Variants in GPC6 observed in about 807,000 individuals in gnomAD.
The protein encoded by GPC6 is glypican-6.
A neutral mutation model predicts 55.2 loss-of-function variants in GPC6; 14 were observed. The observed-to-expected ratio is 0.25, with a 90% confidence interval of 0.17 to 0.40. The LOEUF is 0.40. Ranked by LOEUF, GPC6 falls within the 10% of genes least tolerant of loss-of-function variation. The pLI is 1.00. For synonymous variants in GPC6, 278 were observed against 259.6 expected (o/e 1.07, Z -0.68); for missense variants, 641 against 708.5 (o/e 0.90, Z 1.08).
chr13:94,231,283 G>T (rs530212790), intron 4 of GPC6, among the ~76,000 whole-genome samples: 4 of 152,220 alleles, frequency 2.6e-5, no homozygotes, highest in South Asian at 2.1e-4. Context: ...ACAGCTCCCC[G>T]CTGTGAAGCC....
At chr13:94,290,601 A>C (rs895902358) in intron 5 of GPC6, among the ~76,000 whole-genome samples, 1 of 152,136 alleles carries the variant, frequency 6.6e-6, no homozygotes, top group African/African-American at 2.4e-5. Flanking sequence ...GAAATGGTTA[A>C]ATCAAGCTAA....
chr13:94,121,335 C>A (rs1053994196), intron 4 of GPC6, among the ~76,000 whole-genome samples: 1 of 152,116 alleles, frequency 6.6e-6, no homozygotes, highest in Non-Finnish European at 1.5e-5. Flanking sequence ...CAGATTAATT[C>A]TACCTTTATT....
chr13:94,191,928 G>A (rs1308056753), intron 4 of GPC6, among the ~76,000 whole-genome samples: 2 of 152,054 alleles, frequency 1.3e-5, no homozygotes, highest in African/African-American at 4.8e-5. Flanking sequence ...CTTGTGTGCT[G>A]GATTCATATG....
In GPC6 at chr13:94,297,313, G is replaced by A. The variant is rs146136632; in HGVS notation, c.1009-8667G>A. On this transcript the variant is annotated intron_variant, in intron 5 of 8. Coordinates refer to ENST00000377047, the MANE Select transcript of GPC6 (RefSeq NM_005708.5). The stretch of plus-strand genomic sequence containing the variant: ...TTGTTGAATCGTAGGTGGAAGGAAT[G>A]GTAGAGCCCGTCTGATGTAAATTAC... 4.4e-3 allele frequency among the ~76,000 whole-genome samples: 670 copies of A among 152,282 alleles called. 2 individuals carry two copies. The highest frequency in any genetic ancestry group is 7.6e-3 in the Non-Finnish European group (515 of 68,018).
chr13:93,661,281 T>G (rs1486600927), intron 2 of GPC6, among the ~76,000 whole-genome samples: 2 of 152,140 alleles, frequency 1.3e-5, no homozygotes, highest in Admixed American at 1.3e-4. Flanking sequence ...TGAAGCAATC[T>G]TGGCTCGCTG....
intron 4 of GPC6, among the ~76,000 whole-genome samples, chr13:94,209,567 T>A (rs1465217644): frequency 1.3e-5 from 2 of 151,736 alleles, no homozygotes; most frequent in Non-Finnish European, 2.9e-5. Flanking sequence ...TCACTGCGGG[T>A]CTCATCTCAT....
intron 1 of GPC6, among the ~76,000 whole-genome samples, chr13:93,401,680 A>T (rs1391096880): frequency 2.3e-5 from 3 of 128,764 alleles, no homozygotes; most frequent in African/African-American, 8.6e-5. Context: ...TGTCTTCTTC[A>T]TGAATGGACT....
At chr13:93,218,440 G>A in the GPC6 span, among the ~76,000 whole-genome samples, 2 of 152,104 alleles carry the variant, frequency 1.3e-5, no homozygotes, top group Admixed American at 6.6e-5. Flanking sequence ...AAACAATAGA[G>A]ATCAAGATCA....
At chr13:94,319,242 A>G (rs1259606037) in intron 6 of GPC6, among the ~76,000 whole-genome samples, 1 of 152,088 alleles carries the variant, frequency 6.6e-6, no homozygotes, top group Admixed American at 6.5e-5. Flanking sequence ...TTATTCTTCT[A>G]ATAATTACCC....
At chr13:93,252,230 T>G (rs759709942) in intron 1 of GPC6, among the ~76,000 whole-genome samples, 4 of 152,214 alleles carry the variant, frequency 2.6e-5, no homozygotes, top group Non-Finnish European at 4.4e-5. Flanking sequence ...AACCACTGTC[T>G]TAAAATTTAA....
At chr13:94,352,970 AAC>A (rs1295049198) in intron 6 of GPC6, among the ~76,000 whole-genome samples, 3 of 152,186 alleles carry the variant, frequency 2.0e-5, no homozygotes, top group African/African-American at 4.8e-5. Context: ...AGCTAAGGAA[AAC>A]ACAAGTGCTT....
chr13:94,269,498 A>C (rs2139060538), intron 4 of GPC6, among the ~76,000 whole-genome samples: 1 of 152,326 alleles, frequency 6.6e-6, no homozygotes, highest in Middle Eastern at 3.4e-3. Context: ...AGTAAAGGTC[A>C]AGTATTTTTG....
At chr13:93,389,767 A>G (rs370373916) in intron 1 of GPC6, among the ~76,000 whole-genome samples, 1 of 151,840 alleles carries the variant, frequency 6.6e-6, no homozygotes, top group Admixed American at 6.6e-5. Context: ...TTATTTATTT[A>G]TTTACATATA....
intron 2 of GPC6, among the ~76,000 whole-genome samples, chr13:93,642,346 A>C (rs1879987185): frequency 6.6e-6 from 1 of 152,112 alleles, no homozygotes; most frequent in Non-Finnish European, 1.5e-5. Context: ...ATGGCTGCAT[A>C]GTATTCCAGG....
At chr13:94,037,710 C>A (rs1341633182) in intron 4 of GPC6, among the ~76,000 whole-genome samples, 3 of 151,882 alleles carry the variant, frequency 2.0e-5, no homozygotes, top group Admixed American at 6.6e-5. Flanking sequence ...GCTTCAGTAC[C>A]AGGGTTATTA....
At chr13:94,286,528 G>GCATTAGTAATGTATCTGC in intron 5 of GPC6, 49 bp downstream of exon 5, 2 of 1,531,228 alleles carry the variant, frequency 1.3e-6, no homozygotes, top group Non-Finnish European at 1.8e-6. Context: ...TTATACAGGT[G>GCATTAGTAATGTATCTGC]CAATAACCTA....
At chr13:93,560,714 C>T (rs576469589) in intron 2 of GPC6, among the ~76,000 whole-genome samples, 2 of 150,530 alleles carry the variant, frequency 1.3e-5, no homozygotes, top group South Asian at 2.1e-4. Context: ...AATTATGAGC[C>T]GAGATCATGA....
At chr13:93,284,490 T>C (rs187970559) in intron 1 of GPC6, among the ~76,000 whole-genome samples, 1 of 152,340 alleles carries the variant, frequency 6.6e-6, no homozygotes, top group Admixed American at 6.5e-5. Flanking sequence ...AGTCATTTGG[T>C]ATTCTCTTTA....
At chr13:94,260,316 A>T (rs1891620452) in intron 4 of GPC6, among the ~76,000 whole-genome samples, 1 of 152,192 alleles carries the variant, frequency 6.6e-6, no homozygotes, top group Admixed American at 6.5e-5. Flanking sequence ...TAGTATGTAT[A>T]TCAGTTTGCT....
Sources: gnomAD v4.1 joint callset for allele counts (sites outside exome capture counted in the v4.1 genomes callset) on GRCh38, gnomAD v4.1.1 for gene constraint, MANE v1.5 for transcripts, NCBI Gene and HGNC (gene_info 2026-07-23, HGNC 2026-07-21) for gene names.